Variants in BABAM2 observed in about 807,000 individuals in gnomAD.
BABAM2 encodes the protein BRISC and BRCA1-A complex member 2.
BABAM2 carries 31 observed loss-of-function variants against 54.7 expected under a neutral mutation model. That is an observed-to-expected ratio of 0.57 (90% CI 0.43 to 0.77). The LOEUF (loss-of-function observed/expected upper bound fraction) is 0.77, where lower values mean the gene tolerates loss of function less well. Among genes scored for constraint, BABAM2 ranks in the 30% least tolerant of loss-of-function variants. The pLI, the probability that BABAM2 is intolerant of heterozygous loss-of-function variation, is 0.00. For synonymous variants in BABAM2, 167 were observed against 162.9 expected (o/e 1.03, Z -0.19); for missense variants, 364 against 455.8 (o/e 0.80, Z 1.83).
At chr2:27,964,530 T>A (rs1670703456) in intron 3 of BABAM2, among the ~76,000 whole-genome samples, 1 of 152,120 alleles carries the variant, frequency 6.6e-6, no homozygotes, top group Non-Finnish European at 1.5e-5. Context: ...TAGCAAAACT[T>A]TGGGTCTACA....
upstream of BABAM2, chr2:27,890,011 T>C (rs1356263149): frequency 9.9e-6 from 4 of 402,616 alleles, no homozygotes; most frequent in Non-Finnish European, 1.8e-5. This position sits in a 1 kb window ranked among gnomAD's most constrained non-coding sequence, Gnocchi z 4.8. Context: ...GGGAGCGCTT[T>C]GAGTAATATT....
At chr2:28,328,218 T>C (rs1448397626) in intron 11 of BABAM2, among the ~76,000 whole-genome samples, 1 of 152,066 alleles carries the variant, frequency 6.6e-6, no homozygotes, top group Non-Finnish European at 1.5e-5. Context: ...TTCAGGACAA[T>C]GAGGACAAGG....
At chr2:28,264,024 A>G (rs1230893089) in intron 10 of BABAM2, among the ~76,000 whole-genome samples, 1 of 152,182 alleles carries the variant, frequency 6.6e-6, no homozygotes, top group Non-Finnish European at 1.5e-5. Flanking sequence ...TTACATTCAA[A>G]TTTTTAAATG....
intron 3 of BABAM2, among the ~76,000 whole-genome samples, chr2:27,985,906 A>C (rs1487863455): frequency 2.6e-5 from 4 of 152,190 alleles, no homozygotes; most frequent in Admixed American, 2.6e-4. Flanking sequence ...CTAAATACTA[A>C]AGTGAATGGC....
intron 4 of BABAM2, among the ~76,000 whole-genome samples, chr2:28,022,762 G>C (rs1225941028): frequency 6.6e-6 from 1 of 152,166 alleles, no homozygotes; most frequent in Non-Finnish European, 1.5e-5. Flanking sequence ...ATAGATGCCT[G>C]CTAACTTATG....
intron 10 of BABAM2, among the ~76,000 whole-genome samples, chr2:28,288,414 C>G (rs922861273): frequency 6.6e-6 from 1 of 151,676 alleles, no homozygotes; most frequent in Non-Finnish European, 1.5e-5. Flanking sequence ...CAACCTCCCC[C>G]TCCCCGGTTC....
At chr2:28,147,889 C>A (rs534505187) in intron 7 of BABAM2, among the ~76,000 whole-genome samples, 1 of 152,242 alleles carries the variant, frequency 6.6e-6, no homozygotes, top group East Asian at 1.9e-4. Context: ...ATGGTCCTTG[C>A]CTGCTGGATG....
chr2:28,095,043 T>G (rs1450566536), intron 6 of BABAM2, among the ~76,000 whole-genome samples: 1 of 152,104 alleles, frequency 6.6e-6, no homozygotes, highest in Non-Finnish European at 1.5e-5. Flanking sequence ...GTGAATAACC[T>G]TGTAAATGCA....
At chr2:28,265,903 C>T (rs1175039563) in intron 10 of BABAM2, among the ~76,000 whole-genome samples, 1 of 152,070 alleles carries the variant, frequency 6.6e-6, no homozygotes, top group Non-Finnish European at 1.5e-5. Context: ...TTGTTCTTCT[C>T]GTCACTTGTG....
chr2:28,112,151 C>CTTTCTTTCT (rs1261759583), intron 6 of BABAM2, among the ~76,000 whole-genome samples: 5 of 19,606 alleles, frequency 2.6e-4, no homozygotes, highest in South Asian at 5.0e-3. Flanking sequence ...CTTTCTTTAC[C>CTTTCTTTCT]TCCCTCCCTC....
At chr2:27,961,330 A>G (rs1670452110) in intron 3 of BABAM2, among the ~76,000 whole-genome samples, 1 of 152,212 alleles carries the variant, frequency 6.6e-6, no homozygotes, top group Non-Finnish European at 1.5e-5. Context: ...AGTGATACAC[A>G]TTCAGTAGAA....
At chr2:28,127,808 CTT>C (rs570971927) in intron 6 of BABAM2, among the ~76,000 whole-genome samples, 26 of 133,718 alleles carry the variant, frequency 1.9e-4, no homozygotes, top group Admixed American at 3.0e-4. Flanking sequence ...AGTAGTGAGT[CTT>C]TTTTTTTTTT....
intron 2 of BABAM2, among the ~76,000 whole-genome samples, chr2:27,926,996 C>G (rs559835872): frequency 6.6e-6 from 1 of 152,232 alleles, no homozygotes; most frequent in South Asian, 2.1e-4. Context: ...ATTGTTAACT[C>G]TAGTCATCTA....
chr2:28,037,234 G>T (rs1676731571), intron 5 of BABAM2, among the ~76,000 whole-genome samples: 1 of 151,960 alleles, frequency 6.6e-6, no homozygotes, highest in Non-Finnish European at 1.5e-5. Context: ...ATTTTTTCTA[G>T]TATAGATTTT....
rs1224082361 is a variant in BABAM2, at chr2:28,305,915, T to G, written c.1088+7424T>G. Among the ~76,000 whole-genome samples, 3 of 152,274 alleles carry G rather than the reference T, an allele frequency of 2.0e-5. No individual in the cohort carries two copies. The East Asian group carries it at 5.8e-4, about 29-fold the overall frequency. On this transcript the variant is annotated intron_variant, in intron 11 of 11. Transcript: ENST00000379624. ...TGCTTAAGCTGCATTCCACAAAGTT[T>G]TGTATGTTATTTTTCATTATTATTT...
chr2:28,126,053 G>A (rs193296343), intron 6 of BABAM2, among the ~76,000 whole-genome samples: 11 of 152,256 alleles, frequency 7.2e-5, no homozygotes, highest in Non-Finnish European at 2.9e-5. Flanking sequence ...GGTGAGAGAG[G>A]GGTGGAAGAG....
chr2:28,190,695 AG>A (rs528375519), intron 7 of BABAM2, among the ~76,000 whole-genome samples: 3 of 151,080 alleles, frequency 2.0e-5, no homozygotes, highest in African/African-American at 4.9e-5. Context: ...TCAAAAAACA[AG>A]GGGGGGGCGG....
intron 2 of BABAM2, among the ~76,000 whole-genome samples, chr2:27,915,888 C>G (rs1666933620): frequency 6.6e-6 from 1 of 152,134 alleles, no homozygotes; most frequent in Non-Finnish European, 1.5e-5. Context: ...CCCCATCTCC[C>G]TATCTCCCCA....
At chr2:28,065,196 A>T (rs1241174840) in intron 6 of BABAM2, among the ~76,000 whole-genome samples, 1 of 152,154 alleles carries the variant, frequency 6.6e-6, no homozygotes, top group Non-Finnish European at 1.5e-5. Context: ...CTTGTTCATA[A>T]GTGTGAGGTC....
Sources: gnomAD v4.1 joint callset for allele counts (sites outside exome capture counted in the v4.1 genomes callset) on GRCh38, gnomAD v4.1.1 for gene constraint, Gnocchi (gnomAD v3.1) non-coding constraint, MANE v1.5 for transcripts, NCBI Gene and HGNC (gene_info 2026-07-23, HGNC 2026-07-21) for gene names.